The following LRRC36 variants were observed in gnomAD, a reference collection of about 807,000 sequenced individuals.
LRRC36 encodes leucine-rich repeat-containing protein 36.
In LRRC36, 62 loss-of-function variants were observed where a neutral mutation model predicts 81.1. The ratio of observed to expected loss-of-function variants is 0.76; its 90% confidence interval spans 0.62 to 0.94. The LOEUF (loss-of-function observed/expected upper bound fraction) is 0.94. Among genes scored for constraint, LRRC36 ranks in the 40% least tolerant of loss-of-function variants. LRRC36 has a pLI of 0.00. For missense variants in LRRC36, 761 were observed against 881.7 expected (o/e 0.86, Z 1.73); for synonymous variants, 334 against 348.6 (o/e 0.96, Z 0.47).
Position 67,363,718 on chromosome 16 carries a change from A to G in LRRC36, c.702+4A>G. ...CACCTTCCCACTGGGGACACAGGTA[A>G]TGTATTCACTCTCCTGCTGATCTGT... On this transcript the variant is annotated splice_donor_region_variant and intron_variant, in intron 6 of 13. Transcript: ENST00000329956. 1 of 1,613,562 alleles carries G rather than the reference A, an allele frequency of 6.2e-7. No homozygotes were observed. The highest frequency in any genetic ancestry group is 8.5e-7 in the Non-Finnish European group (1 of 1,179,604).
chr16:67,363,754 ATGATTAATAC>A (rs763779989), intron 6 of LRRC36, 40 bp downstream of exon 6: 1 of 1,603,038 alleles, frequency 6.2e-7, no homozygotes, highest in Admixed American at 1.7e-5. Context: ...TGACTAGTCA[ATGATTAATAC>A]TGATAATTCA....
At chr16:67,334,883 CT>C (rs1372354438) in intron 1 of LRRC36, among the ~76,000 whole-genome samples, 2 of 152,084 alleles carry the variant, frequency 1.3e-5, no homozygotes, top group Non-Finnish European at 2.9e-5. Flanking sequence ...GTGATGCCCC[CT>C]GAGCCATAAA....
intron 1 of LRRC36, among the ~76,000 whole-genome samples, chr16:67,332,065 T>G (rs1204965761): frequency 6.6e-6 from 1 of 152,170 alleles, no homozygotes; most frequent in Non-Finnish European, 1.5e-5. Flanking sequence ...TGTTAAAGGT[T>G]GTTAATTCAA....
chr16:67,331,960 CCTGG>C (rs1405447309), intron 1 of LRRC36, among the ~76,000 whole-genome samples: 2 of 151,498 alleles, frequency 1.3e-5, no homozygotes, highest in African/African-American at 4.9e-5. Context: ...TGCACTCCAG[CCTGG>C]GCAAAGAGAG....
chr16:67,373,707 C>CAA (rs552146686), intron 9 of LRRC36, among the ~76,000 whole-genome samples: 174 of 34,858 alleles, frequency 5.0e-3, no homozygotes, highest in East Asian at 0.011. Flanking sequence ...GACTCTGTCT[C>CAA]AAAAAAAAAA....
rs183712865 is a variant in LRRC36 at position 67,350,563 on chromosome 16, T to C, written c.577+273T>C. 1.2e-3 allele frequency among the ~76,000 whole-genome samples: 182 copies of C among 152,254 alleles called. 1 individual carries two copies. Among genetic ancestry groups the C allele is most frequent in the Non-Finnish European group, 1.7e-3 (117 of 68,020 alleles). On this transcript the variant is annotated intron_variant, in intron 5 of 13. Transcript: ENST00000329956. ...TCATTAGTATACCCAGAAAATTACATCAGTGATTGATTTAATTAGAGACTG... is the reference window on the plus strand; with the variant it reads ...TCATTAGTATACCCAGAAAATTACACCAGTGATTGATTTAATTAGAGACTG...
chr16:67,360,725 T>C (rs1479176808), intron 5 of LRRC36, among the ~76,000 whole-genome samples: 3 of 152,180 alleles, frequency 2.0e-5, no homozygotes, highest in African/African-American at 7.2e-5. Flanking sequence ...GAGCCTCAGA[T>C]GGATGGAGGG....
intron 1 of LRRC36, among the ~76,000 whole-genome samples, chr16:67,337,370 CTTTT>C (rs200896654): frequency 7.2e-6 from 1 of 139,454 alleles, no homozygotes; most frequent in Non-Finnish European, 1.6e-5. Flanking sequence ...TCTTTTCTTT[CTTTT>C]TTTTTTTTTT....
At chr16:67,339,405 TATG>T (rs1344496626) in intron 1 of LRRC36, among the ~76,000 whole-genome samples, 1 of 152,194 alleles carries the variant, frequency 6.6e-6, no homozygotes, top group African/African-American at 2.4e-5. Context: ...GCTACATTGC[TATG>T]ATGTTTTTAA....
At chr16:67,363,901 C>T (rs754584388) in intron 6 of LRRC36, among the ~76,000 whole-genome samples, 187 bp downstream of exon 6, 1 of 152,058 alleles carries the variant, frequency 6.6e-6, no homozygotes, top group Non-Finnish European at 1.5e-5. Context: ...CTCCCATTTC[C>T]CTCTCTCTCA....
chr16:67,346,949 A>G (rs1037581107), intron 3 of LRRC36, among the ~76,000 whole-genome samples: 1 of 152,086 alleles, frequency 6.6e-6, no homozygotes, highest in Non-Finnish European at 1.5e-5. Flanking sequence ...ATCTTGGCTC[A>G]CTGCCGCCTG....
intron 5 of LRRC36, among the ~76,000 whole-genome samples, chr16:67,354,037 G>A (rs1239528698): frequency 6.6e-6 from 1 of 152,062 alleles, no homozygotes. Flanking sequence ...CCTTTACTTG[G>A]TGTATAAGAC....
In LRRC36 at chr16:67,375,371, G is replaced by A. The variant is rs1431517493; in HGVS notation, c.1619G>A (p.Trp540Ter). 1 of 1,606,414 alleles carries A rather than the reference G, an allele frequency of 6.2e-7. No homozygotes were observed. Among genetic ancestry groups the A allele is most frequent in the Non-Finnish European group, 8.5e-7 (1 of 1,177,944 alleles). ...RQLLELVDKH[W>*]NGSGSLLLNK... ...CTCCTGGAGCTTGTGGATAAGCACTGGAATGGCTCCGGCTCCCTCCTCCTC... is the reference window on the plus strand; with the variant it reads ...CTCCTGGAGCTTGTGGATAAGCACTAGAATGGCTCCGGCTCCCTCCTCCTC... Residue 540 changes from tryptophan (W) to a stop codon, truncating the protein, a stop_gained, in exon 10 of 14, where the codon TGG becomes TAG. Transcript: ENST00000329956. LOFTEE classifies it high-confidence loss of function.
intron 2 of LRRC36, among the ~76,000 whole-genome samples, chr16:67,344,761 A>C (rs189177848): frequency 2.8e-4 from 43 of 152,338 alleles, no homozygotes; most frequent in African/African-American, 8.7e-4. Context: ...ACAACAACAA[A>C]AAAAACAAAT....
At chr16:67,367,507 GAAGATAT>G (rs748977165) in intron 8 of LRRC36, 50 bp downstream of exon 8, 1 of 1,490,200 alleles carries the variant, frequency 6.7e-7, no homozygotes, top group Admixed American at 2.2e-5. Context: ...CATGAAGATA[GAAGATAT>G]AAGTGAAAAT....
At chr16:67,369,505 G>A (rs550761902) in intron 8 of LRRC36, among the ~76,000 whole-genome samples, 2 of 152,236 alleles carry the variant, frequency 1.3e-5, no homozygotes, top group South Asian at 2.1e-4. Flanking sequence ...GCCTCACTGA[G>A]GTGAATTCAA....
intron 1 of LRRC36, 63 bp from the exon 2 acceptor site, chr16:67,341,894 T>G: frequency 7.0e-7 from 1 of 1,434,726 alleles, no homozygotes. Flanking sequence ...AGGCCTACTT[T>G]CACTGACTCT....
chr16:67,332,865 A>AATTTTATTTATTTATTT (rs1462873908), intron 1 of LRRC36, among the ~76,000 whole-genome samples: 1 of 151,674 alleles, frequency 6.6e-6, no homozygotes, highest in Non-Finnish European at 1.5e-5. Context: ...AAGTCAGGAA[A>AATTTTATTTATTTATTT]ATTTTATTTA....
intron 2 of LRRC36, among the ~76,000 whole-genome samples, chr16:67,343,641 G>T (rs953511073): frequency 1.3e-5 from 2 of 149,948 alleles, no homozygotes; most frequent in African/African-American, 4.9e-5. Flanking sequence ...GTTGCAGTGA[G>T]CCTAGATCGC....
Sources: gnomAD v4.1 joint callset for allele counts (sites outside exome capture counted in the v4.1 genomes callset) on GRCh38, gnomAD v4.1.1 for gene constraint, MANE v1.5 for transcripts, NCBI Gene and HGNC (gene_info 2026-07-23, HGNC 2026-07-21) for gene names.